Variants in ARHGAP31 observed in about 807,000 individuals in gnomAD.
ARHGAP31 encodes the protein Rho GTPase activating protein 31.
Under a neutral mutation model 113.9 loss-of-function variants are expected in ARHGAP31, and 34 were observed. That is an observed-to-expected ratio of 0.30 (90% confidence interval 0.23 to 0.40). The LOEUF (loss-of-function observed/expected upper bound fraction) is 0.40. Among genes scored for constraint, ARHGAP31 ranks in the 10% least tolerant of loss-of-function variants. The probability of loss-of-function intolerance (pLI) is 1.00; values close to 1 mark genes in which losing one functional copy is unlikely to be tolerated. For missense variants in ARHGAP31, 1,548 were observed against 1,767.1 expected (o/e 0.88, Z 2.22); for synonymous variants, 650 against 684.8 (o/e 0.95, Z 0.79).
rs77294057 is a variant in ARHGAP31 at position 119,381,858 on chromosome 3, C to T, written c.432-434C>T. On this transcript the variant is annotated intron_variant, in intron 4 of 11. Coordinates refer to ENST00000264245, the MANE Select transcript of ARHGAP31 (RefSeq NM_020754.4). ...AAAATTAGCCGGGCGTGGTGGCGGG[C>T]GCCTTTAGTTCCAGCTAGTGGGGAG... Among the ~76,000 whole-genome samples, 8 of 152,202 alleles carry T rather than the reference C, an allele frequency of 5.3e-5. No individual in the cohort carries two copies. In the East Asian group the frequency reaches 9.7e-4, roughly 18 times the overall value.
intron 1 of ARHGAP31, among the ~76,000 whole-genome samples, chr3:119,310,232 C>T (rs964077387): frequency 6.6e-6 from 1 of 152,160 alleles, no homozygotes. Flanking sequence ...CTTCAGGGGT[C>T]AAAAGAGAAA....
At position 119,409,644 on chromosome 3, in the gene ARHGAP31, T is replaced by A. The variant is rs768032090; in HGVS notation, c.1794T>A (p.His598Gln). ...KTPESSLSSQ[H>Q]LNELEKRPNP... Reference sequence around the variant, plus strand: ...CAGAAAGCTCCTTGAGCTCTCAACATTTAAATGAATTAGAGAAGAGGCCAA... The same window carrying A: ...CAGAAAGCTCCTTGAGCTCTCAACAATTAAATGAATTAGAGAAGAGGCCAA... The change falls in exon 11 of 12, where the codon CAT becomes CAA. Residue 598 changes from histidine to glutamine, a missense_variant. Transcript: ENST00000264245. 4 of 1,613,042 alleles carry A rather than the reference T, an allele frequency of 2.5e-6. No homozygotes were observed. In the South Asian group the frequency reaches 4.4e-5, roughly 18 times the overall value.
intron 3 of ARHGAP31, among the ~76,000 whole-genome samples, chr3:119,380,419 TC>T (rs2080386154): frequency 6.6e-6 from 1 of 152,024 alleles, no homozygotes; most frequent in African/African-American, 2.4e-5. Flanking sequence ...ATTCATTCAT[TC>T]ATTCATTCAT....
chr3:119,400,414 C>T (rs369219227), intron 9 of ARHGAP31, among the ~76,000 whole-genome samples: 1 of 151,906 alleles, frequency 6.6e-6, no homozygotes. Flanking sequence ...GCAGAGATTG[C>T]AGTGAGCTGA....
chr3:119,402,024 G>A lies in ARHGAP31; in HGVS notation c.1272G>A (p.Gln424=), dbSNP rs768412553. Residue 424 remains glutamine (Q), a synonymous_variant, in exon 10 of 12, where the codon CAG becomes CAA. Transcript: ENST00000264245. ...SSDRSHLQGA[Q]ARPPPEQLKV... Reference sequence around the variant, plus strand: ...ATCGCAGCCATCTCCAGGGCGCTCAGGCCCGGCCCCCACCGGAACAGCTGA... The same window carrying A: ...ATCGCAGCCATCTCCAGGGCGCTCAAGCCCGGCCCCCACCGGAACAGCTGA... 1.8e-5 allele frequency: 29 copies of A among 1,614,032 alleles called. No homozygotes were observed. The highest frequency in any genetic ancestry group is 2.5e-5 in the Non-Finnish European group (29 of 1,180,040).
chr3:119,412,694 AT>A (rs112825830), intron 11 of ARHGAP31, among the ~76,000 whole-genome samples: 4 of 152,160 alleles, frequency 2.6e-5, no homozygotes, highest in Non-Finnish European at 4.4e-5. Flanking sequence ...ATGTATTCAT[AT>A]TTTTTTCCAT....
Position 119,295,009 on chromosome 3 carries a change from T to C in ARHGAP31, c.100+5T>C, listed in dbSNP as rs891476079. The C allele has an allele frequency of 3.7e-6, 6 of 1,613,940 alleles. No individual in the cohort carries two copies. The highest frequency in any genetic ancestry group is 1.3e-5 in the African/African-American group (1 of 74,914). ...TGGAAAGCTCGGGACAGGATGGTAA[T>C]GTGCCTTGGCCTTTCTCCCCCGCCC... is the stretch of plus-strand genomic sequence containing the variant. On this transcript the variant is annotated splice_donor_5th_base_variant and intron_variant, in intron 1 of 11. Coordinates refer to ENST00000264245, the MANE Select transcript of ARHGAP31 (RefSeq NM_020754.4).
chr3:119,347,715 A>G (rs2080072173), intron 1 of ARHGAP31, among the ~76,000 whole-genome samples: 1 of 152,138 alleles, frequency 6.6e-6, no homozygotes, highest in Admixed American at 6.5e-5. Flanking sequence ...CCTTCTGTGT[A>G]CCCAAGAAAA....
rs1229939536 is a variant in ARHGAP31 at position 119,382,310 on chromosome 3, T to TCGA, written c.452_454dup (p.Arg151dup). The TCGA allele has an allele frequency of 6.2e-7, 1 of 1,614,178 alleles. No individual in the cohort carries two copies. The highest frequency in any genetic ancestry group is 8.5e-7 in the Non-Finnish European group (1 of 1,180,022). On this transcript the variant is annotated inframe_insertion, in exon 5 of 12. Coordinates refer to ENST00000264245, the MANE Select transcript of ARHGAP31 (RefSeq NM_020754.4). ...ATTCTAGGACCTTGGAATACCTGATTCGACACCTGGCCCATATCGCCTCCT... is the reference window on the plus strand; with the variant it reads ...ATTCTAGGACCTTGGAATACCTGATTCGACGACACCTGGCCCATATCGCCTCCT...
chr3:119,402,522 C>A, intron 10 of ARHGAP31, 125 bp downstream of exon 10: 1 of 992,074 alleles, frequency 1.0e-6, no homozygotes, highest in Non-Finnish European at 1.5e-6. Flanking sequence ...CGATTGGGTA[C>A]AAATCCACGC....
chr3:119,301,814 T>C (rs1390425285), intron 1 of ARHGAP31, among the ~76,000 whole-genome samples: 3 of 152,186 alleles, frequency 2.0e-5, no homozygotes, highest in Non-Finnish European at 4.4e-5. Flanking sequence ...TAGCTAAGTC[T>C]AGCTAAAGAT....
chr3:119,346,230 C>A (rs2080055910), intron 1 of ARHGAP31, among the ~76,000 whole-genome samples: 2 of 152,226 alleles, frequency 1.3e-5, no homozygotes, highest in African/African-American at 4.8e-5. Context: ...GAATTTAAGC[C>A]TGCAACAATC....
At chr3:119,336,694 A>G (rs76773243) in intron 1 of ARHGAP31, among the ~76,000 whole-genome samples, 1 of 152,226 alleles carries the variant, frequency 6.6e-6, no homozygotes, top group Non-Finnish European at 1.5e-5. Context: ...TTTAAAGTAT[A>G]CAAGTCAATA....
chr3:119,311,962 A>G (rs960107813), intron 1 of ARHGAP31, among the ~76,000 whole-genome samples: 1 of 152,254 alleles, frequency 6.6e-6, no homozygotes, highest in Non-Finnish European at 1.5e-5. Flanking sequence ...GTAGAGTGGT[A>G]AAAACAGTAC....
At chr3:119,303,731 A>G (rs914535873) in intron 1 of ARHGAP31, among the ~76,000 whole-genome samples, 3 of 152,152 alleles carry the variant, frequency 2.0e-5, no homozygotes, top group Non-Finnish European at 4.4e-5. Flanking sequence ...TGTGAAGGCA[A>G]TTGAGCTAAT....
intron 10 of ARHGAP31, among the ~76,000 whole-genome samples, chr3:119,406,660 CT>C (rs1290908795): frequency 6.6e-6 from 1 of 152,174 alleles, no homozygotes; most frequent in African/African-American, 2.4e-5. Context: ...AGATGTCTGC[CT>C]TGCGTTTCTG....
chr3:119,303,608 G>A (rs542344329), intron 1 of ARHGAP31, among the ~76,000 whole-genome samples: 76 of 152,220 alleles, frequency 5.0e-4, no homozygotes, highest in African/African-American at 1.7e-3. Context: ...AGGGGTGAAT[G>A]TCACCCCTCC....
chr3:119,300,112 C>T lies in ARHGAP31; in HGVS notation c.100+5108C>T, dbSNP rs114310592. Among the ~76,000 whole-genome samples, 1,243 of 152,334 alleles carry T rather than the reference C, an allele frequency of 8.2e-3. 22 individuals carry two copies. Among genetic ancestry groups the T allele is most frequent in the African/African-American group, 0.028 (1,181 of 41,572 alleles). On this transcript the variant is annotated intron_variant, in intron 1 of 11. Transcript: ENST00000264245. ...TGCCTGGAATAGAATCCCAACTTTG[C>T]TTGTTCCCAGCTGAGTGACCCTGGA...
At chr3:119,328,972 T>TCATATGTGGCATATGA (rs2079868990) in intron 1 of ARHGAP31, among the ~76,000 whole-genome samples, 1 of 152,214 alleles carries the variant, frequency 6.6e-6, no homozygotes, top group Non-Finnish European at 1.5e-5. Flanking sequence ...GATAAATGCT[T>TCATATGTGGCATATGA]TAAATAACTC....
Sources: allele counts gnomAD v4.1 joint callset (sites outside exome capture counted in the v4.1 genomes callset), GRCh38; gene constraint gnomAD v4.1.1; transcripts MANE v1.5; gene names NCBI Gene and HGNC (gene_info 2026-07-23, HGNC 2026-07-21).